Variants in POLN observed in about 807,000 individuals in gnomAD.
The protein encoded by POLN is DNA polymerase N.
Under a neutral mutation model 113.5 loss-of-function variants are expected in POLN, and 108 were observed. The observed-to-expected ratio is 0.95, with a 90% CI of 0.81 to 1.12. POLN has a LOEUF of 1.12. Ranked by LOEUF, POLN falls within the 50% of genes most tolerant of loss-of-function variation. The probability of loss-of-function intolerance (pLI) is 0.00; values close to 1 mark genes in which losing one functional copy is unlikely to be tolerated. For missense variants in POLN, 1,097 were observed against 1,077.1 expected (o/e 1.02, Z -0.26); for synonymous variants, 386 against 391.5 (o/e 0.99, Z 0.17).
chr4:2,074,020 G>A (rs1321987048), intron 24 of POLN, among the ~76,000 whole-genome samples: 2 of 152,366 alleles, frequency 1.3e-5, no homozygotes, highest in Middle Eastern at 6.8e-3. Flanking sequence ...GGGCGAGGCT[G>A]GAGAGCCGGC....
chr4:2,146,934 C>G (rs1291830046), intron 16 of POLN, among the ~76,000 whole-genome samples: 2 of 152,062 alleles, frequency 1.3e-5, no homozygotes, highest in Non-Finnish European at 2.9e-5. Context: ...TACAAACATG[C>G]TAATGCAACA....
intron 16 of POLN, among the ~76,000 whole-genome samples, chr4:2,152,534 C>T (rs1732321677): frequency 6.6e-6 from 1 of 151,350 alleles, no homozygotes; most frequent in Non-Finnish European, 1.5e-5. Context: ...TCTTGCTATG[C>T]TGCCCAGGCT....
chr4:2,179,184 T>C, intron 8 of POLN, 124 bp downstream of exon 8: 1 of 982,180 alleles, frequency 1.0e-6, no homozygotes. Flanking sequence ...CTATTTGTGC[T>C]GAATAAGTGA....
At chr4:2,124,745 C>A (rs1731537484) in intron 19 of POLN, among the ~76,000 whole-genome samples, 1 of 152,116 alleles carries the variant, frequency 6.6e-6, no homozygotes, top group East Asian at 1.9e-4. Context: ...CCACAAAGAC[C>A]CTGTGGAGGC....
chr4:2,193,248 C>T lies in POLN; in HGVS notation c.977G>A (p.Arg326Lys). The T allele has an allele frequency of 6.2e-7, 1 of 1,611,004 alleles. No individual in the cohort carries two copies. The highest frequency in any genetic ancestry group is 8.5e-7 in the Non-Finnish European group (1 of 1,178,602). ...ATTGCCAAAAAACTGCAGCACTATT[C>T]TCACAAAATCCTTAGCATTAAAACA... is the stretch of plus-strand genomic sequence containing the variant. ...VICFNAKDFVRIVLQFFGNDG... is the reference protein window; with the variant it reads ...VICFNAKDFVKIVLQFFGNDG... Residue 326 changes from arginine to lysine, a missense_variant, in exon 7 of 26, where the codon AGA (arginine) becomes AAA (lysine). Physicochemically the swap from Arg to Lys is conservative, Grantham distance 26 (BLOSUM62 2). Coordinates refer to ENST00000511885, the MANE Select transcript of POLN (RefSeq NM_181808.4).
intron 4 of POLN, among the ~76,000 whole-genome samples, chr4:2,209,642 GTTTCTTTCC>G (rs1203017321): frequency 3.5e-5 from 5 of 141,962 alleles, no homozygotes; most frequent in African/African-American, 5.2e-5. Flanking sequence ...TATTTTTAAG[GTTTCTTTCC>G]TTTTCCTTTT....
At chr4:2,099,747 T>C (rs886862181) in intron 19 of POLN, among the ~76,000 whole-genome samples, 1 of 152,174 alleles carries the variant, frequency 6.6e-6, no homozygotes, top group Non-Finnish European at 1.5e-5. Flanking sequence ...ATGGAAAACA[T>C]TCATAACAGG....
At chr4:2,072,419 TCAGA>T (rs1730170578) in intron 25 of POLN, 120 bp from the exon 26 acceptor site, 12 of 842,562 alleles carry the variant, frequency 1.4e-5, no homozygotes, top group Admixed American at 5.9e-5. Flanking sequence ...AGATACATGA[TCAGA>T]CAGCCACACG....
At chr4:2,229,454 T>C (rs1734499031) in intron 2 of POLN, 2 of 379,350 alleles carry the variant, frequency 5.3e-6, no homozygotes, top group East Asian at 9.1e-5. Context: ...TCATAGTAAA[T>C]AGATAACTTA....
At chr4:2,145,378 A>T (rs1373626418) in intron 16 of POLN, among the ~76,000 whole-genome samples, 1 of 152,196 alleles carries the variant, frequency 6.6e-6, no homozygotes, top group Non-Finnish European at 1.5e-5. Context: ...CAAACCAACC[A>T]CAGACTGGGA....
At chr4:2,203,209 T>A (rs1330892600) in intron 5 of POLN, among the ~76,000 whole-genome samples, 1 of 152,128 alleles carries the variant, frequency 6.6e-6, no homozygotes, top group Non-Finnish European at 1.5e-5. Flanking sequence ...TTCAAAACCA[T>A]ACAAATACAT....
chr4:2,124,270 T>G (rs1044529645), intron 19 of POLN, among the ~76,000 whole-genome samples: 4 of 152,064 alleles, frequency 2.6e-5, no homozygotes, highest in Non-Finnish European at 5.9e-5. Context: ...TAGATAGTCG[T>G]GATTGTAACT....
intron 16 of POLN, among the ~76,000 whole-genome samples, chr4:2,145,418 T>A (rs1203729126): frequency 6.6e-6 from 1 of 152,128 alleles, no homozygotes; most frequent in Non-Finnish European, 1.5e-5. Context: ...CACAAAAGAC[T>A]AGTATTCATA....
intron 3 of POLN, among the ~76,000 whole-genome samples, chr4:2,214,746 G>A (rs1734070818): frequency 6.6e-6 from 1 of 152,098 alleles, no homozygotes; most frequent in Non-Finnish European, 1.5e-5. Flanking sequence ...GGTGGAGAAA[G>A]TGACCCACAG....
At chr4:2,108,149 G>T (rs1192237410) in intron 19 of POLN, among the ~76,000 whole-genome samples, 1 of 152,188 alleles carries the variant, frequency 6.6e-6, no homozygotes, top group Non-Finnish European at 1.5e-5. Flanking sequence ...TTTCCGGCCA[G>T]GGCTCAACTG....
intron 13 of POLN, among the ~76,000 whole-genome samples, chr4:2,166,201 G>T (rs562637084): frequency 1.3e-5 from 2 of 152,284 alleles, no homozygotes; most frequent in South Asian, 2.1e-4. Flanking sequence ...GCAGAATTGG[G>T]TCCTTGTTCA....
chr4:2,156,440 T>G (rs1456336272), intron 16 of POLN: 4 of 477,668 alleles, frequency 8.4e-6, no homozygotes, highest in Non-Finnish European at 1.7e-5. Flanking sequence ...GAGCTGTTCA[T>G]CATAGCATCA....
At chr4:2,169,878 T>C (rs1405208203) in intron 13 of POLN, among the ~76,000 whole-genome samples, 1 of 151,752 alleles carries the variant, frequency 6.6e-6, no homozygotes, top group Non-Finnish European at 1.5e-5. Context: ...TCTGTGGGAG[T>C]CCATTATTCA....
chr4:2,127,024 G>A lies in POLN; in HGVS notation c.1982+1089C>T, dbSNP rs150490858. ...AGGACTCTGCTCCTCTGACTTCTCC[G>A]ATCCCCATGATCTGCTTCCTCATCT... On this transcript the variant is annotated intron_variant, in intron 19 of 25. Coordinates refer to ENST00000511885, the MANE Select transcript of POLN (RefSeq NM_181808.4). The surrounding 1 kb of genome is among the most constrained non-coding windows in gnomAD (Gnocchi z 4.7). Among the ~76,000 whole-genome samples, 489 of 152,144 alleles carry A rather than the reference G, an allele frequency of 3.2e-3. 4 individuals carry two copies. Among genetic ancestry groups the A allele is most frequent in the African/African-American group, 0.011 (452 of 41,502 alleles).
Sources: gnomAD v4.1 joint callset for allele counts (sites outside exome capture counted in the v4.1 genomes callset) on GRCh38, gnomAD v4.1.1 for gene constraint, Gnocchi (gnomAD v3.1) non-coding constraint, MANE v1.5 for transcripts, NCBI Gene and HGNC (gene_info 2026-07-23, HGNC 2026-07-21) for gene names.